Variants in DPP6 observed in about 807,000 individuals in gnomAD.
DPP6 encodes dipeptidyl peptidase like 6.
DPP6 carries 69 observed loss-of-function variants against 122.6 expected under a neutral mutation model. The ratio of observed to expected loss-of-function variants is 0.56; its 90% CI spans 0.46 to 0.69. DPP6 has a LOEUF of 0.69. Among genes scored for constraint, DPP6 ranks in the 30% least tolerant of loss-of-function variants. DPP6 has a pLI of 0.00. For missense variants in DPP6, 928 were observed against 1,116.9 expected, an observed-to-expected ratio of 0.83 and a Z score of 2.41; for synonymous variants, 418 against 433.1, an observed-to-expected ratio of 0.97 and a Z score of 0.43.
intron 2 of DPP6, among the ~76,000 whole-genome samples, chr7:154,447,721 C>T (rs1258447116): frequency 1.3e-5 from 2 of 152,132 alleles, no homozygotes; most frequent in African/African-American, 4.8e-5. Flanking sequence ...AAAGATTATA[C>T]ACCATGACCA....
intron 1 of DPP6, among the ~76,000 whole-genome samples, chr7:154,163,021 C>T (rs1394435662): frequency 6.6e-6 from 1 of 151,994 alleles, no homozygotes; most frequent in Non-Finnish European, 1.5e-5. Context: ...ATCTGCATTG[C>T]TAGCATTGAG....
At chr7:154,712,797 G>A (rs2316239) in intron 7 of DPP6, among the ~76,000 whole-genome samples, 13 of 152,180 alleles carry the variant, frequency 8.5e-5, no homozygotes, top group Non-Finnish European at 1.6e-4. Context: ...TGAGATATGG[G>A]TGGGGACACA....
intron 11 of DPP6, among the ~76,000 whole-genome samples, chr7:154,794,792 T>A (rs1009717566): frequency 6.2e-4 from 3 of 4,842 alleles, no homozygotes; most frequent in Non-Finnish European, 1.0e-3. Context: ...GCCCACGGCC[T>A]CACCCTCGCC....
At chr7:154,545,894 T>C (rs555711559) in intron 4 of DPP6, among the ~76,000 whole-genome samples, 18 of 152,230 alleles carry the variant, frequency 1.2e-4, no homozygotes, top group Non-Finnish European at 2.4e-4. Flanking sequence ...TTGACAATGC[T>C]ATCAGTGACA....
At chr7:154,834,671 G>A (rs552353382) in intron 16 of DPP6, among the ~76,000 whole-genome samples, 6 of 152,352 alleles carry the variant, frequency 3.9e-5, no homozygotes, top group Admixed American at 2.0e-4. Flanking sequence ...GCGCTAAAGC[G>A]TAAAGTGCAA....
intron 7 of DPP6, among the ~76,000 whole-genome samples, chr7:154,713,240 C>T (rs1841298916): frequency 6.6e-6 from 1 of 152,256 alleles, no homozygotes; most frequent in African/African-American, 2.4e-5. Context: ...TACCTCCCAG[C>T]TGCTTTCATG....
intron 1 of DPP6, among the ~76,000 whole-genome samples, chr7:154,335,929 G>T (rs1809377064): frequency 6.6e-6 from 1 of 152,076 alleles, no homozygotes. Flanking sequence ...CATTCTAGGG[G>T]TTGCAAGACA....
chr7:154,350,009 T>C (rs1208774535), intron 1 of DPP6, among the ~76,000 whole-genome samples: 6 of 152,208 alleles, frequency 3.9e-5, no homozygotes, highest in Non-Finnish European at 8.8e-5. Flanking sequence ...GCCTTGTCTC[T>C]TAACTTAGGA....
At chr7:154,885,517 A>T in intron 21 of DPP6, 116 bp from the exon 22 acceptor site, 1 of 1,378,926 alleles carries the variant, frequency 7.3e-7, no homozygotes, top group Non-Finnish European at 9.6e-7. Flanking sequence ...CACATTTTGT[A>T]AAAGGAGAGA....
intron 1 of DPP6, among the ~76,000 whole-genome samples, chr7:153,993,780 G>A (rs939552187): frequency 2.0e-5 from 3 of 152,148 alleles, no homozygotes; most frequent in Non-Finnish European, 4.4e-5. Flanking sequence ...ATCTCTTTGG[G>A]GTTCTAAACC....
chr7:153,997,255 A>G lies in DPP6; in HGVS notation c.51+109521A>G, dbSNP rs573920018. Among the ~76,000 whole-genome samples, 360 of 152,246 alleles carry G rather than the reference A, an allele frequency of 2.4e-3. 3 individuals are homozygous for G. The highest frequency in any genetic ancestry group is 8.3e-3 in the African/African-American group (347 of 41,560). On this transcript the variant is annotated intron_variant, in intron 1 of 25. Coordinates refer to the DPP6 transcript ENST00000404039. ...ATCTTCACTCCACTCCCCACTCACC[A>G]GCACTGCTTCTGGCTTTGGGATTGA...
chr7:154,862,830 G>A (rs1803523529), intron 17 of DPP6, among the ~76,000 whole-genome samples: 1 of 152,218 alleles, frequency 6.6e-6, no homozygotes, highest in Non-Finnish European at 1.5e-5. Context: ...AATCTGGCTG[G>A]AGGAAAAAAG....
intron 3 of DPP6, among the ~76,000 whole-genome samples, chr7:154,477,281 C>CCAGCACCAGCA (rs1403694072): frequency 6.6e-6 from 1 of 151,960 alleles, no homozygotes; most frequent in African/African-American, 2.4e-5. Context: ...AGCACCAGCA[C>CCAGCACCAGCA]CACAGGCTTC....
At chr7:154,796,035 C>T (rs574377044) in intron 12 of DPP6, 152 bp downstream of exon 12, 61 of 1,215,342 alleles carry the variant, frequency 5.0e-5, no homozygotes, top group Admixed American at 6.1e-5. Context: ...GCTCCACTCA[C>T]GGTGCCTCCC....
chr7:153,948,080 T>C (rs77884034), intron 1 of DPP6, among the ~76,000 whole-genome samples: 4,586 of 152,252 alleles, frequency 0.03, 244 homozygotes, highest in African/African-American at 0.1. Flanking sequence ...GGAAAGACCT[T>C]GTCTTCAAAT....
At chr7:153,885,633 A>G (rs1798882481), upstream of DPP6, among the ~76,000 whole-genome samples, 1 of 152,132 alleles carries the variant, frequency 6.6e-6, no homozygotes, top group African/African-American at 2.4e-5. Flanking sequence ...CGCATTTTAC[A>G]CTATTTTGTT....
intron 3 of DPP6, among the ~76,000 whole-genome samples, chr7:154,524,226 T>C (rs1375929772): frequency 1.3e-5 from 2 of 152,252 alleles, no homozygotes; most frequent in Admixed American, 1.3e-4. Context: ...TTTGTGAGTA[T>C]CACTATTGAC....
At chr7:154,286,765 T>C (rs912310349) in intron 1 of DPP6, among the ~76,000 whole-genome samples, 4 of 151,102 alleles carry the variant, frequency 2.6e-5, no homozygotes, top group Admixed American at 1.3e-4. Context: ...CAGTATCCCA[T>C]TGTTAACACC....
intron 1 of DPP6, among the ~76,000 whole-genome samples, chr7:153,909,470 T>C (rs908318716): frequency 6.6e-6 from 1 of 152,174 alleles, no homozygotes; most frequent in Non-Finnish European, 1.5e-5. Context: ...ACAACTTCCC[T>C]GATATGCCCT....
Sources: allele counts gnomAD v4.1 joint callset (sites outside exome capture counted in the v4.1 genomes callset), GRCh38; gene constraint gnomAD v4.1.1; transcripts MANE v1.5; gene names NCBI Gene and HGNC (gene_info 2026-07-23, HGNC 2026-07-21).